Variants in BLTP3A observed in about 807,000 individuals in gnomAD.
BLTP3A encodes the protein ICBP90 binding protein 1.
the BLTP3A span, among the ~76,000 whole-genome samples, chr6:34,817,411 G>T: frequency 1.3e-5 from 2 of 152,186 alleles, no homozygotes; most frequent in Non-Finnish European, 2.9e-5. Flanking sequence ...ATCAGTAAAA[G>T]TATGTGTAAG....
chr6:34,857,467 C>T, the BLTP3A span: 2 of 1,613,970 alleles, frequency 1.2e-6, no homozygotes, highest in Non-Finnish European at 8.5e-7. Flanking sequence ...TCAGGAGCTT[C>T]CAGGTAAGCA....
chr6:34,860,965 T>C, the BLTP3A span, among the ~76,000 whole-genome samples: 1 of 152,180 alleles, frequency 6.6e-6, no homozygotes, highest in African/African-American at 2.4e-5. Flanking sequence ...CTATGGTAGT[T>C]AACATTGCTG....
the BLTP3A span, chr6:34,856,800 C>T: frequency 6.2e-7 from 1 of 1,612,578 alleles, no homozygotes; most frequent in African/African-American, 1.3e-5. Context: ...ATTCTCTTTC[C>T]AGTCCTCGAA....
At chr6:34,853,741 A>T in the BLTP3A span, among the ~76,000 whole-genome samples, 1 of 151,752 alleles carries the variant, frequency 6.6e-6, no homozygotes, top group Non-Finnish European at 1.5e-5. Flanking sequence ...TTGTATTTTT[A>T]GTAGAGACGA....
the BLTP3A span, among the ~76,000 whole-genome samples, chr6:34,795,664 G>A: frequency 6.6e-6 from 1 of 151,752 alleles, no homozygotes; most frequent in Non-Finnish European, 1.5e-5. Flanking sequence ...GCCTCCCAAA[G>A]TGCTGGGATT....
the BLTP3A span, among the ~76,000 whole-genome samples, chr6:34,793,738 T>C: frequency 6.6e-6 from 1 of 152,138 alleles, no homozygotes; most frequent in Non-Finnish European, 1.5e-5. Flanking sequence ...ATTTGGGGCA[T>C]GACCAAAGAT....
chr6:34,871,884 C>G, the BLTP3A span: 14 of 1,614,078 alleles, frequency 8.7e-6, no homozygotes, highest in Non-Finnish European at 1.2e-5. Flanking sequence ...CCCAAAAGAA[C>G]AGGTGTTTTT....
chr6:34,816,340 C>T, the BLTP3A span, among the ~76,000 whole-genome samples: 1 of 152,148 alleles, frequency 6.6e-6, no homozygotes, highest in East Asian at 1.9e-4. Flanking sequence ...CACAGTGGCT[C>T]ACATCTGTAA....
chr6:34,871,019 C>T, the BLTP3A span: 32 of 1,614,152 alleles, frequency 2.0e-5, no homozygotes, highest in Non-Finnish European at 2.7e-5. Context: ...CTGCTCACTT[C>T]AGTGCTCAGT....
At chr6:34,803,474 C>T in the BLTP3A span, among the ~76,000 whole-genome samples, 2 of 152,128 alleles carry the variant, frequency 1.3e-5, no homozygotes, top group Non-Finnish European at 2.9e-5. Context: ...TGCTCAGTTT[C>T]CCTTACTCTT....
chr6:34,852,855 A>T, the BLTP3A span, among the ~76,000 whole-genome samples: 45 of 152,308 alleles, frequency 3.0e-4, no homozygotes, highest in East Asian at 6.0e-3. Flanking sequence ...TAACCTCCGG[A>T]TGGATGATTC....
the BLTP3A span, among the ~76,000 whole-genome samples, chr6:34,819,090 G>A: frequency 6.6e-6 from 1 of 151,772 alleles, no homozygotes; most frequent in Non-Finnish European, 1.5e-5. Flanking sequence ...TAGTGACTAT[G>A]AGAGGCAGCA....
At chr6:34,871,118 T>G in the BLTP3A span, 2 of 1,606,116 alleles carry the variant, frequency 1.2e-6, no homozygotes, top group Non-Finnish European at 1.7e-6. Flanking sequence ...ACCCTAAAGG[T>G]GTGAGGAACC....
the BLTP3A span, chr6:34,876,138 A>G: frequency 6.5e-6 from 1 of 152,672 alleles, no homozygotes; most frequent in Admixed American, 6.5e-5. Context: ...AAGGATGGCT[A>G]TCAATCCCAA....
At chr6:34,855,863 A>G in the BLTP3A span, 4 of 985,374 alleles carry the variant, frequency 4.1e-6, no homozygotes, top group Middle Eastern at 5.2e-4. Flanking sequence ...ACGTCTGGAA[A>G]CTTGCAGGTT....
the BLTP3A span, among the ~76,000 whole-genome samples, chr6:34,815,724 C>A: frequency 2.0e-5 from 3 of 152,134 alleles, no homozygotes; most frequent in African/African-American, 7.2e-5. Context: ...CTCACTGCAA[C>A]CTCTGCCTCC....
chr6:34,805,735 CAA>C, the BLTP3A span, among the ~76,000 whole-genome samples: 12,753 of 72,970 alleles, frequency 0.17, 523 homozygotes, highest in African/African-American at 0.26. Context: ...GACCCTATCT[CAA>C]AAAAAAAAAA....
chr6:34,866,350 C>T, the BLTP3A span, among the ~76,000 whole-genome samples: 2 of 151,876 alleles, frequency 1.3e-5, no homozygotes, highest in African/African-American at 4.8e-5. Flanking sequence ...TTGTAGTGAG[C>T]CGAGATCACG....
At chr6:34,841,224 G>A in the BLTP3A span, among the ~76,000 whole-genome samples, 2 of 151,970 alleles carry the variant, frequency 1.3e-5, no homozygotes, top group African/African-American at 2.4e-5. Context: ...CCACCACCAC[G>A]CCTGGTTGAT....
Sources: gnomAD v4.1 joint callset for allele counts (sites outside exome capture counted in the v4.1 genomes callset) on GRCh38, gnomAD v4.1.1 for gene constraint, MANE v1.5 for transcripts, NCBI Gene and HGNC (gene_info 2026-07-23, HGNC 2026-07-21) for gene names.